ITSN2: variants seen among roughly 807,000 people sequenced by gnomAD.
ITSN2 encodes the protein intersectin-2.
ITSN2 carries 156 observed loss-of-function variants against 243.7 expected under a neutral mutation model. The observed-to-expected ratio is 0.64, with a 90% confidence interval of 0.56 to 0.73. The LOEUF is 0.73. ITSN2 is among the 30% of genes least tolerant of loss of function. The pLI, the probability that ITSN2 is intolerant of heterozygous loss-of-function variation, is 0.00. For synonymous variants in ITSN2, 703 were observed against 699.9 expected (o/e 1.00, Z -0.07); for missense variants, 1,801 against 1,996.1 (o/e 0.90, Z 1.86).
chr2:24,340,933 T>C (rs962922588), intron 1 of ITSN2, among the ~76,000 whole-genome samples: 1 of 152,084 alleles, frequency 6.6e-6, no homozygotes, highest in African/African-American at 2.4e-5. Flanking sequence ...ACAAGCAGTA[T>C]AGGAACAAAC....
At chr2:24,302,381 G>A (rs1463731632) in intron 9 of ITSN2, among the ~76,000 whole-genome samples, 2 of 151,960 alleles carry the variant, frequency 1.3e-5, no homozygotes, top group Non-Finnish European at 2.9e-5. Context: ...TGTATTTTTA[G>A]TAGAGACGGG....
rs202019699 is a variant in ITSN2 at position 24,301,945 on chromosome 2, C to T, written c.995+20G>A. 183 of 1,592,034 alleles carry T rather than the reference C, an allele frequency of 1.1e-4. No individual in the cohort carries two copies. Among genetic ancestry groups the T allele is most frequent in the Non-Finnish European group, 1.4e-4 (168 of 1,169,212 alleles). On this transcript the variant is annotated intron_variant, in intron 10 of 39. Coordinates refer to ENST00000355123, the MANE Select transcript of ITSN2 (RefSeq NM_006277.3). The stretch of plus-strand genomic sequence containing the variant: ...GCCAAGTTATCAAAACCATAGTTCT[C>T]CACCTCCAGGCACACTCACCTGAAA...
chr2:24,339,986 T>C (rs1410736807), intron 1 of ITSN2, among the ~76,000 whole-genome samples: 2 of 151,936 alleles, frequency 1.3e-5, no homozygotes, highest in African/African-American at 4.8e-5. Context: ...CAATGAGCTA[T>C]GATTATGTCA....
chr2:24,298,576 G>T, intron 13 of ITSN2, 89 bp downstream of exon 13: 2 of 1,273,372 alleles, frequency 1.6e-6, no homozygotes, highest in Non-Finnish European at 2.2e-6. Context: ...GATAACAGGT[G>T]TGAGCCACCA....
At chr2:24,330,714 G>A (rs937039996) in intron 1 of ITSN2, 12 of 632,462 alleles carry the variant, frequency 1.9e-5, no homozygotes, top group Admixed American at 4.4e-5. Context: ...TCTGGTGACA[G>A]TAGTTTGAAA....
intron 1 of ITSN2, among the ~76,000 whole-genome samples, chr2:24,344,842 C>T (rs185357760): frequency 2.3e-4 from 35 of 152,144 alleles, no homozygotes; most frequent in Admixed American, 1.9e-3. Flanking sequence ...ATCTCAGCTA[C>T]GCAGGAAGCT....
At chr2:24,250,957 A>C (rs1473919644) in intron 25 of ITSN2, among the ~76,000 whole-genome samples, 1 of 152,082 alleles carries the variant, frequency 6.6e-6, no homozygotes, top group Non-Finnish European at 1.5e-5. Context: ...TGGGAGGCCA[A>C]GGCAGGTGGA....
rs1041175802 is a variant in ITSN2 at position 24,208,680 on chromosome 2, G to A, written c.4596-361C>T. Among the ~76,000 whole-genome samples the A allele has an allele frequency of 2.0e-5, 3 of 152,226 alleles. No individual in the cohort carries two copies. In the East Asian group the frequency reaches 5.8e-4, roughly 29 times the overall value. On this transcript the variant is annotated intron_variant, in intron 36 of 39. Transcript: ENST00000355123. The stretch of plus-strand genomic sequence containing the variant: ...GCACTGTTGGAGCTGCAGCCTGAAG[G>A]AAGCTGGGAACAGCGGGGATGGCAC...
rs969313748 is a variant in ITSN2 at position 24,203,685 on chromosome 2, T to G, written c.5035A>C (p.Thr1679Pro). 7.4e-6 allele frequency: 12 copies of G among 1,614,042 alleles called. No individual in the cohort carries two copies. Among genetic ancestry groups the G allele is most frequent in the Non-Finnish European group, 1.0e-5 (12 of 1,180,038 alleles). The change falls in exon 40 of 40, where the codon ACC becomes CCC. Residue 1679 changes from threonine (T) to proline (P), a missense_variant. Thr to Pro is a conservative substitution (Grantham distance 38, BLOSUM62 -1). Transcript: ENST00000355123. ...TRRLLLHEVP[T>P]GEVWVRFDLQ... ...TCAAAACGGACCCAGACCTCCCCGGTGGGGACCTCATGCAGCAGCAGTCGG... is the reference window on the plus strand; with the variant it reads ...TCAAAACGGACCCAGACCTCCCCGGGGGGGACCTCATGCAGCAGCAGTCGG...
chr2:24,298,929 C>A, intron 12 of ITSN2, 115 bp from the exon 13 acceptor site: 1 of 855,198 alleles, frequency 1.2e-6, no homozygotes, highest in Non-Finnish European at 1.7e-6. Context: ...GGCTTTAGTG[C>A]CTAAGGGTAG....
At chr2:24,320,924 A>T (rs980633526) in intron 2 of ITSN2, among the ~76,000 whole-genome samples, 8 of 152,088 alleles carry the variant, frequency 5.3e-5, no homozygotes, top group African/African-American at 1.9e-4. Context: ...TGCTGCATAA[A>T]ATAAATCAGA....
chr2:24,221,263 A>G lies in ITSN2; in HGVS notation c.3578-197T>C, dbSNP rs1000029986. 1.8e-5 allele frequency: 10 copies of G among 550,366 alleles called. No homozygotes were observed. In the East Asian group the frequency reaches 2.7e-4, roughly 15 times the overall value. The allele number at this position is 550,366 out of a possible 1,614,324, so 34.1% of individuals were successfully genotyped here. On this transcript the variant is annotated intron_variant, in intron 29 of 39. Coordinates refer to ENST00000355123, the MANE Select transcript of ITSN2 (RefSeq NM_006277.3). ...TTAATGAGCCGGCACTCACAGCTCC[A>G]AAGTGGCAAATCAGCAATGTCTGTA...
chr2:24,305,520 T>C (rs1574241866), intron 8 of ITSN2, among the ~76,000 whole-genome samples: 1 of 130,204 alleles, frequency 7.7e-6, no homozygotes, highest in Non-Finnish European at 1.5e-5. Context: ...GAGGCTGCAG[T>C]GGGCCAAGAT....
intron 1 of ITSN2, among the ~76,000 whole-genome samples, chr2:24,348,199 T>G (rs1239060342): frequency 6.7e-6 from 1 of 148,710 alleles, no homozygotes; most frequent in Non-Finnish European, 1.5e-5. Flanking sequence ...GATTTTTTTT[T>G]TTTTTTTTTT....
chr2:24,356,800 G>A (rs1037936009), intron 1 of ITSN2, among the ~76,000 whole-genome samples: 2 of 152,058 alleles, frequency 1.3e-5, no homozygotes, highest in African/African-American at 4.8e-5. Context: ...CTACTCAGGA[G>A]GCTGAGGCAG....
Position 24,287,668 on chromosome 2 carries a change from G to T in ITSN2, c.1724-1317C>A, listed in dbSNP as rs145391223. On this transcript the variant is annotated intron_variant, in intron 15 of 39. Transcript: ENST00000355123. ...TTACATTCCTCCAACAGTGTACATGGGTTCCCTTGTTCCCACATGCTCACT... is the reference window on the plus strand; with the variant it reads ...TTACATTCCTCCAACAGTGTACATGTGTTCCCTTGTTCCCACATGCTCACT... 4.2e-4 allele frequency among the ~76,000 whole-genome samples: 64 copies of T among 151,976 alleles called. 1 individual carries two copies. The highest frequency in any genetic ancestry group is 6.5e-4 in the Non-Finnish European group (44 of 67,928).
intron 1 of ITSN2, among the ~76,000 whole-genome samples, chr2:24,333,761 C>G (rs972308820): frequency 1.3e-5 from 2 of 152,052 alleles, no homozygotes; most frequent in Non-Finnish European, 2.9e-5. Context: ...AATATACTCA[C>G]ACTAAGACAG....
chr2:24,257,577 C>T (rs1675227411), intron 23 of ITSN2, among the ~76,000 whole-genome samples: 1 of 151,796 alleles, frequency 6.6e-6, no homozygotes, highest in Non-Finnish European at 1.5e-5. Context: ...CTGCCTTAGC[C>T]TCCCAAGTAG....
rs1679507084 is a variant in ITSN2, at chr2:24,286,347, T to C, written c.1728A>G (p.Ser576=). Residue 576 remains serine, a synonymous_variant, in exon 16 of 40, where the codon TCA becomes TCG. Coordinates refer to ENST00000355123, the MANE Select transcript of ITSN2 (RefSeq NM_006277.3). ...KNMQFSNTPD[S]GVSLLHKKSL... The stretch of plus-strand genomic sequence containing the variant: ...ATTTTTTATGAAGTAAACTGACCCC[T>C]GAATCTGAAAAACAAACATCAGACA... 2 of 1,610,412 alleles carry C rather than the reference T, an allele frequency of 1.2e-6. No homozygotes were observed. The highest frequency in any genetic ancestry group is 1.7e-6 in the Non-Finnish European group (2 of 1,178,048).
Sources: gnomAD v4.1 joint callset for allele counts (sites outside exome capture counted in the v4.1 genomes callset) on GRCh38, gnomAD v4.1.1 for gene constraint, MANE v1.5 for transcripts, NCBI Gene and HGNC (gene_info 2026-07-23, HGNC 2026-07-21) for gene names.